Variants in SLC22A23 observed in about 807,000 individuals in gnomAD.
SLC22A23 encodes the protein solute carrier family 22 member 23.
Under a neutral mutation model 61.0 loss-of-function variants are expected in SLC22A23, and 26 were observed. The observed-to-expected ratio is 0.43, with a 90% CI of 0.31 to 0.59. The LOEUF is 0.59. Among genes scored for constraint, SLC22A23 ranks in the 20% least tolerant of loss-of-function variants. SLC22A23 has a pLI of 0.11. For synonymous variants in SLC22A23, 430 were observed against 413.9 expected, an observed-to-expected ratio of 1.04 and a Z score of -0.47; for missense variants, 796 against 934.7, an observed-to-expected ratio of 0.85 and a Z score of 1.94.
chr6:3,355,835 C>T (rs904983772), intron 3 of SLC22A23, among the ~76,000 whole-genome samples: 14 of 151,142 alleles, frequency 9.3e-5, no homozygotes, highest in African/African-American at 3.4e-4. Context: ...TCACTCATTC[C>T]CTGTCTCCGC....
At position 3,273,361 on chromosome 6, in the gene SLC22A23, C is replaced by T. The variant is rs371305286; in HGVS notation, c.1755G>A (p.Thr585=). 45 of 1,613,430 alleles carry T rather than the reference C, an allele frequency of 2.8e-5. No homozygotes were observed. In the East Asian group the frequency reaches 3.6e-4, roughly 13 times the overall value. Residue 585 remains threonine (T), a synonymous_variant, in exon 10 of 10, where the codon ACG becomes ACA. Coordinates refer to ENST00000406686, the MANE Select transcript of SLC22A23 (RefSeq NM_015482.2). ...VLASAGFGML[T]APIIELHNQK... ...GGTTGTGCAGCTCGATGATGGGTGC[C>T]GTCAGCATGCCGAAGCCCGCGCTGG...
intron 3 of SLC22A23, among the ~76,000 whole-genome samples, chr6:3,361,663 C>G (rs1005950485): frequency 6.6e-6 from 1 of 152,208 alleles, no homozygotes; most frequent in African/African-American, 2.4e-5. Context: ...AATTCAGACT[C>G]GAAAGCCCAG....
intron 3 of SLC22A23, among the ~76,000 whole-genome samples, chr6:3,375,370 T>C (rs1044945066): frequency 2.6e-5 from 4 of 152,240 alleles, no homozygotes; most frequent in Non-Finnish European, 5.9e-5. Flanking sequence ...ATTCAGTGTT[T>C]TGAAATGGAA....
chr6:3,336,846 G>C (rs1406835344), intron 3 of SLC22A23, among the ~76,000 whole-genome samples: 1 of 149,694 alleles, frequency 6.7e-6, no homozygotes, highest in Admixed American at 6.6e-5. Flanking sequence ...ACCTAGGCTG[G>C]AGTGCACTGG....
At chr6:3,351,916 C>T (rs750191289) in intron 3 of SLC22A23, among the ~76,000 whole-genome samples, 37 of 152,206 alleles carry the variant, frequency 2.4e-4, no homozygotes, top group African/African-American at 4.3e-4. Flanking sequence ...GGGACCACCT[C>T]GAGGCAGATG....
chr6:3,323,270 T>C (rs1763068936), intron 4 of SLC22A23: 1 of 456,426 alleles, frequency 2.2e-6, no homozygotes, highest in Admixed American at 2.3e-5. Context: ...ACCAACCTGC[T>C]GCATCCACTC....
At chr6:3,297,000 A>G (rs140449656) in intron 5 of SLC22A23, among the ~76,000 whole-genome samples, 1 of 152,248 alleles carries the variant, frequency 6.6e-6, no homozygotes, top group African/African-American at 2.4e-5. Flanking sequence ...CCCTGGAGCA[A>G]AGCTTCCGCA....
intron 3 of SLC22A23, among the ~76,000 whole-genome samples, chr6:3,373,658 A>AAGGAAGAAGAAAAGGAAGAGGAGGAGG (rs1766368532): frequency 6.6e-6 from 1 of 152,188 alleles, no homozygotes; most frequent in African/African-American, 2.4e-5. Context: ...AAGAAGAAGA[A>AAGGAAGAAGAAAAGGAAGAGGAGGAGG]AGGAAGAAGA....
intron 3 of SLC22A23, among the ~76,000 whole-genome samples, chr6:3,352,479 A>G (rs1764833156): frequency 6.6e-6 from 1 of 152,130 alleles, no homozygotes; most frequent in Non-Finnish European, 1.5e-5. Context: ...GGCCACATAC[A>G]CACATAGGCA....
intron 4 of SLC22A23, chr6:3,323,228 C>T: frequency 2.2e-6 from 1 of 456,136 alleles, no homozygotes; most frequent in Non-Finnish European, 4.4e-6. Context: ...TTGTAAAGGA[C>T]CAGATAGTAA....
At chr6:3,307,898 C>T (rs148631971) in intron 4 of SLC22A23, among the ~76,000 whole-genome samples, 1 of 152,164 alleles carries the variant, frequency 6.6e-6, no homozygotes, top group Admixed American at 6.5e-5. Context: ...ATGATTTGGC[C>T]TTCAACAGAA....
At chr6:3,437,290 C>A (rs1373822559) in intron 1 of SLC22A23, among the ~76,000 whole-genome samples, 2 of 152,092 alleles carry the variant, frequency 1.3e-5, no homozygotes, top group Non-Finnish European at 2.9e-5. Flanking sequence ...CCACACACAT[C>A]AAAATTCCCT....
At chr6:3,323,778 C>T in intron 4 of SLC22A23, 56 bp downstream of exon 4, 1 of 1,554,196 alleles carries the variant, frequency 6.4e-7, no homozygotes, top group Non-Finnish European at 8.7e-7. Context: ...GGGGCCGGGC[C>T]TTCAGGAAGC....
intron 9 of SLC22A23, among the ~76,000 whole-genome samples, chr6:3,279,905 A>G (rs1176135260): frequency 1.3e-5 from 2 of 152,186 alleles, no homozygotes; most frequent in African/African-American, 4.8e-5. Context: ...ACTGATATGC[A>G]GGCCGACTTC....
At position 3,273,232 on chromosome 6, in the gene SLC22A23, C is replaced by T; in HGVS notation, c.1884G>A (p.Glu628=). 1 of 1,612,860 alleles carries T rather than the reference C, an allele frequency of 6.2e-7. No homozygotes were observed. The highest frequency in any genetic ancestry group is 8.5e-7 in the Non-Finnish European group (1 of 1,179,146). ...LPESRDQNLP[E]NISNGEHYTR... is the part of the protein sequence containing the mutation. Reference sequence around the variant, plus strand: ...TGTAGTGCTCCCCGTTAGAAATGTTCTCAGGCAGGTTCTGGTCCCTGCTCT... The same window carrying T: ...TGTAGTGCTCCCCGTTAGAAATGTTTTCAGGCAGGTTCTGGTCCCTGCTCT... The change falls in exon 10 of 10, where the codon GAG becomes GAA. Residue 628 remains glutamate, a synonymous_variant. Coordinates refer to ENST00000406686, the MANE Select transcript of SLC22A23 (RefSeq NM_015482.2).
rs748749794 is a variant in SLC22A23 at position 3,410,346 on chromosome 6, C to T, written c.759-4G>A. On this transcript the variant is annotated splice_region_variant and splice_polypyrimidine_tract_variant and intron_variant, in intron 2 of 9. Coordinates refer to ENST00000406686, the MANE Select transcript of SLC22A23 (RefSeq NM_015482.2). This position sits in a 1 kb window ranked among gnomAD's most constrained non-coding sequence, Gnocchi z 5.0. ...CAGCACAGGCCGCCGGCCGACCCTG[C>T]ATATGGAGAGGGAAAAAGTTAGGAA... is the stretch of plus-strand genomic sequence containing the variant. 6.3e-7 allele frequency: 1 copy of T among 1,588,704 alleles called. No homozygotes were observed. The highest frequency in any genetic ancestry group is 8.6e-7 in the Non-Finnish European group (1 of 1,168,534).
At chr6:3,435,264 C>T (rs1771129286) in intron 1 of SLC22A23, among the ~76,000 whole-genome samples, 1 of 151,946 alleles carries the variant, frequency 6.6e-6, no homozygotes, top group Non-Finnish European at 1.5e-5. Context: ...AGCCAACCTG[C>T]AGCAATGAAC....
In SLC22A23 at chr6:3,390,090, T is replaced by C. The variant is rs1767569716; in HGVS notation, c.913+20098A>G. The stretch of plus-strand genomic sequence containing the variant: ...TCCTGGCACGGCATCACTGGGCCAG[T>C]TGCCACCATCCGTCCGTGGGCTCAT... On this transcript the variant is annotated intron_variant, in intron 3 of 9. Transcript: ENST00000406686. The surrounding 1 kb of genome is among the most constrained non-coding windows in gnomAD (Gnocchi z 4.0). 6.6e-6 allele frequency among the ~76,000 whole-genome samples: 1 copy of C among 152,114 alleles called. No individual in the cohort carries two copies. The highest frequency in any genetic ancestry group is 2.4e-5 in the African/African-American group (1 of 41,426).
intron 1 of SLC22A23, among the ~76,000 whole-genome samples, chr6:3,424,099 T>C (rs1770320942): frequency 1.3e-5 from 2 of 151,944 alleles, no homozygotes; most frequent in Non-Finnish European, 2.9e-5. Flanking sequence ...ATTCTTCCCA[T>C]GTACAAACTG....
Sources: allele counts gnomAD v4.1 joint callset (sites outside exome capture counted in the v4.1 genomes callset), GRCh38; gene constraint gnomAD v4.1.1; non-coding constraint Gnocchi (gnomAD v3.1); transcripts MANE v1.5; gene names NCBI Gene and HGNC (gene_info 2026-07-23, HGNC 2026-07-21).